The following DIAPH3 variants were observed in gnomAD, a reference collection of about 807,000 sequenced individuals.
DIAPH3 encodes protein diaphanous homolog 3.
In DIAPH3, 117 loss-of-function variants were observed where a neutral mutation model predicts 144.3. That is an observed-to-expected ratio of 0.81 (90% CI 0.70 to 0.95). The LOEUF (loss-of-function observed/expected upper bound fraction) is 0.95. Among genes scored for constraint, DIAPH3 ranks in the 40% least tolerant of loss-of-function variants. The pLI is 0.00. For missense variants in DIAPH3, 1,421 were observed against 1,412.7 expected (o/e 1.01, Z -0.09); for synonymous variants, 519 against 488.9 (o/e 1.06, Z -0.81).
At chr13:59,932,318 A>G (rs1169977766) in intron 17 of DIAPH3, among the ~76,000 whole-genome samples, 2 of 152,160 alleles carry the variant, frequency 1.3e-5, no homozygotes, top group Non-Finnish European at 2.9e-5. Flanking sequence ...ACCCCTATTA[A>G]GTACTGCACT....
chr13:59,913,310 C>T (rs560655374), intron 19 of DIAPH3, among the ~76,000 whole-genome samples: 281 of 152,226 alleles, frequency 1.8e-3, no homozygotes, highest in Non-Finnish European at 3.4e-3. Flanking sequence ...TTGTCTCTCC[C>T]CTTACAAATT....
chr13:59,974,004 A>G (rs575657764), intron 15 of DIAPH3, among the ~76,000 whole-genome samples: 39 of 152,266 alleles, frequency 2.6e-4, no homozygotes, highest in African/African-American at 8.7e-4. Flanking sequence ...TTTAAAAAAT[A>G]AATAGCTTGA....
At chr13:59,786,226 A>G (rs949835578) in intron 25 of DIAPH3, among the ~76,000 whole-genome samples, 3 of 152,226 alleles carry the variant, frequency 2.0e-5, no homozygotes, top group Admixed American at 6.5e-5. Context: ...CATACAATTT[A>G]TTACATTGTA....
chr13:60,044,580 T>C (rs1424669027), intron 4 of DIAPH3, among the ~76,000 whole-genome samples: 3 of 152,118 alleles, frequency 2.0e-5, no homozygotes, highest in Non-Finnish European at 4.4e-5. Flanking sequence ...AAAGGACTGA[T>C]TGTTCAACAG....
chr13:60,030,799 A>C (rs1365381051), intron 5 of DIAPH3, among the ~76,000 whole-genome samples: 1 of 152,166 alleles, frequency 6.6e-6, no homozygotes, highest in East Asian at 1.9e-4. Flanking sequence ...AATCCTAATC[A>C]CACTAGCAAT....
intron 12 of DIAPH3, among the ~76,000 whole-genome samples, chr13:59,989,171 T>C (rs1404807520): frequency 6.6e-6 from 1 of 151,612 alleles, no homozygotes; most frequent in African/African-American, 2.4e-5. Context: ...AAAGGTAAAA[T>C]AGAGGTCCTT....
intron 21 of DIAPH3, among the ~76,000 whole-genome samples, chr13:59,873,028 A>T (rs1402557253): frequency 6.6e-6 from 1 of 152,248 alleles, no homozygotes; most frequent in Non-Finnish European, 1.5e-5. Flanking sequence ...GCTATTTAGA[A>T]AAGCCAATTA....
chr13:60,026,152 T>C (rs969437098), intron 5 of DIAPH3, among the ~76,000 whole-genome samples: 2 of 152,200 alleles, frequency 1.3e-5, no homozygotes, highest in African/African-American at 2.4e-5. Flanking sequence ...TACTCTCTTA[T>C]ACATCCCCAC....
chr13:59,944,271 A>C (rs992784194), intron 17 of DIAPH3, among the ~76,000 whole-genome samples: 17 of 152,072 alleles, frequency 1.1e-4, no homozygotes, highest in African/African-American at 4.1e-4. Flanking sequence ...ATCTCAGTAG[A>C]TGGACCAGGA....
intron 3 of DIAPH3, among the ~76,000 whole-genome samples, chr13:60,105,313 C>A (rs1332153796): frequency 2.0e-5 from 3 of 152,176 alleles, no homozygotes; most frequent in East Asian, 1.9e-4. Context: ...CAGGTATACA[C>A]AAATAATTGC....
intron 12 of DIAPH3, among the ~76,000 whole-genome samples, chr13:59,987,378 TGAC>T (rs1283733760): frequency 1.3e-5 from 2 of 149,472 alleles, no homozygotes; most frequent in Non-Finnish European, 3.0e-5. Flanking sequence ...TAAGGCTAGA[TGAC>T]GAGTTAGTGG....
At chr13:59,781,574 T>C (rs2038738803) in intron 25 of DIAPH3, among the ~76,000 whole-genome samples, 1 of 152,198 alleles carries the variant, frequency 6.6e-6, no homozygotes. Context: ...AACTGGGCAG[T>C]GGGACAGAGT....
chr13:60,119,975 C>T (rs925984719), intron 2 of DIAPH3, among the ~76,000 whole-genome samples: 2 of 151,644 alleles, frequency 1.3e-5, no homozygotes, highest in African/African-American at 4.9e-5. Context: ...AGTTACCATC[C>T]CTACAGATGC....
At chr13:59,994,805 A>T (rs189407616) in intron 9 of DIAPH3, among the ~76,000 whole-genome samples, 2 of 152,016 alleles carry the variant, frequency 1.3e-5, no homozygotes, top group Admixed American at 1.3e-4. Flanking sequence ...TCAAGAAATG[A>T]GGTTGAACAA....
chr13:59,798,374 G>A (rs1298010384), intron 25 of DIAPH3, among the ~76,000 whole-genome samples: 1 of 152,138 alleles, frequency 6.6e-6, no homozygotes, highest in African/African-American at 2.4e-5. Flanking sequence ...GCATAGCATG[G>A]TTTCTTGACT....
chr13:59,954,758 A>C (rs965666831), intron 17 of DIAPH3, among the ~76,000 whole-genome samples: 1 of 152,148 alleles, frequency 6.6e-6, no homozygotes, highest in Admixed American at 6.6e-5. Context: ...AGGGGAAGCC[A>C]GTACATCCTA....
intron 21 of DIAPH3, among the ~76,000 whole-genome samples, chr13:59,874,082 AG>A (rs2044455438): frequency 6.6e-6 from 1 of 152,202 alleles, no homozygotes; most frequent in Admixed American, 6.5e-5. Flanking sequence ...ATCACCAGTC[AG>A]GGATTTTCCA....
chr13:59,778,238 C>T (rs2038528994), intron 25 of DIAPH3, among the ~76,000 whole-genome samples: 1 of 152,190 alleles, frequency 6.6e-6, no homozygotes. Context: ...GTGGCATAAA[C>T]TAGGTGCCCC....
intron 25 of DIAPH3, among the ~76,000 whole-genome samples, chr13:59,780,879 G>GGAAATTCGGGCCTCA (rs1231023571): frequency 1.3e-5 from 2 of 152,162 alleles, no homozygotes; most frequent in Non-Finnish European, 2.9e-5. Context: ...GAAGACAGCT[G>GGAAATTCGGGCCTCA]GAAATTCGGG....
Sources: allele counts gnomAD v4.1 joint callset (sites outside exome capture counted in the v4.1 genomes callset), GRCh38; gene constraint gnomAD v4.1.1; transcripts MANE v1.5; gene names NCBI Gene and HGNC (gene_info 2026-07-23, HGNC 2026-07-21).